EPHA6: variants seen among roughly 807,000 people sequenced by gnomAD.
The protein encoded by EPHA6 is EPH receptor A6.
Under a neutral mutation model 112.0 loss-of-function variants are expected in EPHA6, and 50 were observed. The ratio of observed to expected loss-of-function variants is 0.45; its 90% confidence interval spans 0.36 to 0.56. EPHA6 has a LOEUF of 0.56. EPHA6 is among the 20% of genes least tolerant of loss of function. The pLI, the probability that EPHA6 is intolerant of heterozygous loss-of-function variation, is 0.00. For missense variants in EPHA6, 1,280 were observed against 1,417.4 expected, an observed-to-expected ratio of 0.90 and a Z score of 1.56; for synonymous variants, 529 against 490.7, an observed-to-expected ratio of 1.08 and a Z score of -1.03.
chr3:97,647,939 C>G (rs1357311857), intron 14 of EPHA6, among the ~76,000 whole-genome samples: 1 of 152,048 alleles, frequency 6.6e-6, no homozygotes, highest in Admixed American at 6.6e-5. Context: ...ATGGTGCACA[C>G]TCATCCATTT....
intron 3 of EPHA6, among the ~76,000 whole-genome samples, chr3:97,149,463 A>AAT (rs1039884543): frequency 1.8e-4 from 27 of 152,206 alleles, no homozygotes; most frequent in African/African-American, 5.5e-4. Flanking sequence ...TCCACTGTAT[A>AAT]ATATATATAA....
intron 5 of EPHA6, among the ~76,000 whole-genome samples, chr3:97,319,510 A>T (rs766355448): frequency 7.9e-5 from 12 of 151,578 alleles, no homozygotes; most frequent in Admixed American, 7.9e-4. Context: ...TCTACTAAAA[A>T]TGCAAAAAAA....
intron 5 of EPHA6, among the ~76,000 whole-genome samples, chr3:97,247,077 T>C (rs1352607573): frequency 6.6e-6 from 1 of 152,162 alleles, no homozygotes; most frequent in East Asian, 1.9e-4. Flanking sequence ...TTGCTTCAAA[T>C]ACAGGAAATA....
At chr3:97,213,521 C>T (rs1263481971) in intron 3 of EPHA6, among the ~76,000 whole-genome samples, 1 of 152,132 alleles carries the variant, frequency 6.6e-6, no homozygotes, top group Non-Finnish European at 1.5e-5. Flanking sequence ...GATTCCCACT[C>T]CTAAAGCTAA....
intron 10 of EPHA6, among the ~76,000 whole-genome samples, chr3:97,529,318 C>T (rs376075305): frequency 8.0e-4 from 121 of 152,094 alleles, no homozygotes; most frequent in African/African-American, 2.9e-3. Context: ...AATACTAGTA[C>T]CTACCTCAAA....
intron 11 of EPHA6, among the ~76,000 whole-genome samples, chr3:97,550,329 G>A (rs926725023): frequency 6.6e-6 from 1 of 152,190 alleles, no homozygotes; most frequent in Non-Finnish European, 1.5e-5. Flanking sequence ...CTCTTGAATT[G>A]CTATGCCAGC....
At chr3:97,418,753 C>T (rs2088347813) in intron 6 of EPHA6, among the ~76,000 whole-genome samples, 1 of 151,916 alleles carries the variant, frequency 6.6e-6, no homozygotes, top group Non-Finnish European at 1.5e-5. Context: ...AAATAGTAAA[C>T]ATGTACATAA....
chr3:96,922,643 C>CTT (rs958472269), intron 2 of EPHA6, among the ~76,000 whole-genome samples: 1 of 149,594 alleles, frequency 6.7e-6, no homozygotes, highest in Non-Finnish European at 1.5e-5. Context: ...ATTCATTCCA[C>CTT]TTTTTTTTTT....
chr3:97,310,716 G>A (rs2081518478), intron 5 of EPHA6, among the ~76,000 whole-genome samples: 1 of 151,488 alleles, frequency 6.6e-6, no homozygotes, highest in African/African-American at 2.4e-5. Context: ...ATTTTTAATG[G>A]ATCCTCTCTC....
intron 3 of EPHA6, among the ~76,000 whole-genome samples, chr3:97,060,563 TAACA>T (rs1027644892): frequency 6.6e-6 from 1 of 152,092 alleles, no homozygotes; most frequent in Non-Finnish European, 1.5e-5. Context: ...AATTTCCTTG[TAACA>T]AACAAAGAAT....
chr3:96,928,220 T>C (rs2040139746), intron 2 of EPHA6, among the ~76,000 whole-genome samples: 1 of 152,168 alleles, frequency 6.6e-6, no homozygotes, highest in Admixed American at 6.5e-5. Context: ...TGATGTTAGG[T>C]TGTTAGCTTG....
intron 5 of EPHA6, among the ~76,000 whole-genome samples, chr3:97,374,028 G>A (rs967756664): frequency 1.3e-5 from 2 of 152,018 alleles, no homozygotes; most frequent in Non-Finnish European, 2.9e-5. Context: ...ACCAAAATAT[G>A]TTCTCCAATT....
intron 10 of EPHA6, among the ~76,000 whole-genome samples, chr3:97,528,840 C>T (rs1429920518): frequency 6.6e-6 from 1 of 152,074 alleles, no homozygotes; most frequent in African/African-American, 2.4e-5. Context: ...TACCAACATC[C>T]AGGGAGATAG....
In EPHA6 at chr3:97,754,280, A is replaced by T. The variant is rs2035971022; in HGVS notation, c.*5579A>T. On this transcript the variant is annotated 3_prime_UTR_variant, in exon 18 of 18. Coordinates refer to ENST00000389672, the MANE Select transcript of EPHA6 (RefSeq NM_001080448.3). Reference sequence around the variant, plus strand: ...ATTTTGTATTTTTAGTAGAGACGGGATTTCTCCATGTTGGTTAGGCTGGTC... The same window carrying T: ...ATTTTGTATTTTTAGTAGAGACGGGTTTTCTCCATGTTGGTTAGGCTGGTC... 6.6e-6 allele frequency among the ~76,000 whole-genome samples: 1 copy of T among 151,594 alleles called. No individual in the cohort carries two copies. Among genetic ancestry groups the T allele is most frequent in the Admixed American group, 6.6e-5 (1 of 15,216 alleles).
intron 10 of EPHA6, among the ~76,000 whole-genome samples, chr3:97,494,744 C>T (rs1021874626): frequency 6.6e-6 from 1 of 152,112 alleles, no homozygotes; most frequent in Non-Finnish European, 1.5e-5. Context: ...ACACTGCCTA[C>T]TGGTACTCGT....
At chr3:97,595,224 G>A (rs2093577444) in intron 12 of EPHA6, among the ~76,000 whole-genome samples, 1 of 152,198 alleles carries the variant, frequency 6.6e-6, no homozygotes, top group Non-Finnish European at 1.5e-5. Flanking sequence ...AAAGGTCATA[G>A]TAAAGGGTTA....
chr3:97,061,109 G>A (rs1214807560), intron 3 of EPHA6, among the ~76,000 whole-genome samples: 3 of 152,048 alleles, frequency 2.0e-5, no homozygotes, highest in African/African-American at 7.2e-5. Context: ...AGGTAAAGAA[G>A]AAGTAGCTAA....
chr3:97,134,767 A>G (rs1394627963), intron 3 of EPHA6, among the ~76,000 whole-genome samples: 1 of 152,172 alleles, frequency 6.6e-6, no homozygotes, highest in Non-Finnish European at 1.5e-5. Context: ...AATACTACCA[A>G]AATGAATGAC....
chr3:97,231,480 G>A (rs1402421880), intron 4 of EPHA6, among the ~76,000 whole-genome samples: 1 of 152,162 alleles, frequency 6.6e-6, no homozygotes, highest in Non-Finnish European at 1.5e-5. Context: ...GAAGAAAAAT[G>A]CGTAGAAATG....
Sources: gnomAD v4.1 joint callset for allele counts (sites outside exome capture counted in the v4.1 genomes callset) on GRCh38, gnomAD v4.1.1 for gene constraint, MANE v1.5 for transcripts, NCBI Gene and HGNC (gene_info 2026-07-23, HGNC 2026-07-21) for gene names.